CNTNAP2: variants seen among roughly 807,000 people sequenced by gnomAD.
The protein encoded by CNTNAP2 is contactin associated protein 2, also known as contactin-associated protein-like 2.
In CNTNAP2, 98 loss-of-function variants were observed where a neutral mutation model predicts 155.2. The observed-to-expected ratio is 0.63, with a 90% CI of 0.54 to 0.75. The LOEUF (loss-of-function observed/expected upper bound fraction) is 0.75, where lower values mean the gene tolerates loss of function less well. Ranked by LOEUF, CNTNAP2 falls within the 30% of genes least tolerant of loss-of-function variation. The pLI is 0.00. For missense variants in CNTNAP2, 1,727 were observed against 1,688.1 expected, an observed-to-expected ratio of 1.02 and a Z score of -0.40; for synonymous variants, 651 against 631.2, an observed-to-expected ratio of 1.03 and a Z score of -0.47.
At chr7:146,786,322 T>C (rs771939862) in intron 2 of CNTNAP2, among the ~76,000 whole-genome samples, 4 of 152,222 alleles carry the variant, frequency 2.6e-5, no homozygotes, top group Non-Finnish European at 5.9e-5. Context: ...ATGACTCTGT[T>C]AGCAACCGGC....
chr7:148,142,921 A>C (rs1183510464), intron 16 of CNTNAP2, among the ~76,000 whole-genome samples: 1 of 152,226 alleles, frequency 6.6e-6, no homozygotes, highest in Non-Finnish European at 1.5e-5. Context: ...CATTACTTTA[A>C]GCCTTTCAGA....
rs1211978187 is a variant in CNTNAP2 at position 146,955,369 on chromosome 7, G to A, written c.403-88538G>A. Reference sequence around the variant, plus strand: ...AAGCTGTTTATACTTTTCCTAGCACGAAGACCTGCTTATATGCCACACAAG... The same window carrying A: ...AAGCTGTTTATACTTTTCCTAGCACAAAGACCTGCTTATATGCCACACAAG... On this transcript the variant is annotated intron_variant, in intron 3 of 23. Transcript: ENST00000361727. 7.2e-5 allele frequency among the ~76,000 whole-genome samples: 11 copies of A among 152,046 alleles called. 1 individual carries two copies. In the East Asian group the frequency reaches 1.5e-3, roughly 21 times the overall value.
At chr7:146,850,122 A>G (rs13312652) in intron 3 of CNTNAP2, among the ~76,000 whole-genome samples, 5,323 of 152,328 alleles carry the variant, frequency 0.035, 147 homozygotes, top group Non-Finnish European at 0.054. Flanking sequence ...CAGTGAAATG[A>G]TCATTCTGGC....
intron 13 of CNTNAP2, among the ~76,000 whole-genome samples, chr7:147,725,907 T>C (rs2116457105): frequency 6.6e-6 from 1 of 152,220 alleles, no homozygotes; most frequent in Non-Finnish European, 1.5e-5. Context: ...TTTCAGTTTC[T>C]GACTGTGTGA....
chr7:147,359,294 T>C (rs1329772377), intron 9 of CNTNAP2, among the ~76,000 whole-genome samples: 1 of 152,126 alleles, frequency 6.6e-6, no homozygotes, highest in Non-Finnish European at 1.5e-5. Context: ...TGCCTTTATC[T>C]TAAAAGTATG....
At chr7:146,150,949 A>G (rs1182448128) in intron 1 of CNTNAP2, among the ~76,000 whole-genome samples, 1 of 152,108 alleles carries the variant, frequency 6.6e-6, no homozygotes, top group African/African-American at 2.4e-5. Context: ...TTGATACTCT[A>G]TTGAGCATGG....
At chr7:146,265,457 C>CTTTTTT (rs796634792) in intron 1 of CNTNAP2, among the ~76,000 whole-genome samples, 6 of 135,578 alleles carry the variant, frequency 4.4e-5, no homozygotes, top group African/African-American at 1.4e-4. Context: ...TTCTTTCTTT[C>CTTTTTT]TTTTTTTTTT....
At chr7:147,736,321 C>A (rs902885146) in intron 13 of CNTNAP2, among the ~76,000 whole-genome samples, 3 of 152,202 alleles carry the variant, frequency 2.0e-5, no homozygotes, top group East Asian at 3.9e-4. Flanking sequence ...GTTGAAAATT[C>A]TTTTCTTTAA....
chr7:148,094,461 T>C (rs1194619935), intron 15 of CNTNAP2, among the ~76,000 whole-genome samples: 1 of 152,208 alleles, frequency 6.6e-6, no homozygotes, highest in African/African-American at 2.4e-5. Flanking sequence ...AGATTTGTGA[T>C]GTGTGTTGCT....
At chr7:147,059,451 T>G (rs1358861230) in intron 4 of CNTNAP2, among the ~76,000 whole-genome samples, 2 of 110,284 alleles carry the variant, frequency 1.8e-5, no homozygotes, top group East Asian at 5.5e-4. Context: ...TTTTTTTTTT[T>G]GCAAATAAAA....
chr7:147,800,679 T>C (rs1474576020), intron 13 of CNTNAP2, among the ~76,000 whole-genome samples: 1 of 152,184 alleles, frequency 6.6e-6, no homozygotes, highest in Non-Finnish European at 1.5e-5. Context: ...CTTCCGTGAT[T>C]GGAAAAGGTC....
chr7:147,746,399 C>A (rs144428705), intron 13 of CNTNAP2, among the ~76,000 whole-genome samples: 4 of 152,122 alleles, frequency 2.6e-5, no homozygotes, highest in African/African-American at 9.7e-5. Context: ...ACTGAAGGAA[C>A]GAATGAATCA....
At position 147,077,577 on chromosome 7, in the gene CNTNAP2, C is replaced by T. The variant is rs28575565; in HGVS notation, c.551-30570C>T. Among the ~76,000 whole-genome samples the T allele has an allele frequency of 7.9e-3, 1,210 of 152,248 alleles. 18 individuals carry two copies. Among genetic ancestry groups the T allele is most frequent in the African/African-American group, 0.027 (1,128 of 41,528 alleles). ...TTTACCACTCTTGTCAATGGATACA[C>T]ACCAAATACATAAATAATGTATGCA... On this transcript the variant is annotated intron_variant, in intron 4 of 23. Coordinates refer to ENST00000361727, the MANE Select transcript of CNTNAP2 (RefSeq NM_014141.6).
Position 148,119,638 on chromosome 7 carries a change from T to C in CNTNAP2, c.2554+1350T>C, listed in dbSNP as rs148315310. ...TCCCAAATCCATTTCCCATTTCTGCTGAAATGCTATTGGATTCACAGTAGC... is the reference window on the plus strand; with the variant it reads ...TCCCAAATCCATTTCCCATTTCTGCCGAAATGCTATTGGATTCACAGTAGC... On this transcript the variant is annotated intron_variant, in intron 16 of 23. Coordinates refer to ENST00000361727, the MANE Select transcript of CNTNAP2 (RefSeq NM_014141.6). Among the ~76,000 whole-genome samples the C allele has an allele frequency of 4.6e-3, 697 of 152,352 alleles. 3 individuals are homozygous for C. Among genetic ancestry groups the C allele is most frequent in the Non-Finnish European group, 7.7e-3 (526 of 68,026 alleles).
chr7:146,930,730 G>T (rs544426486), intron 3 of CNTNAP2, among the ~76,000 whole-genome samples: 1 of 152,072 alleles, frequency 6.6e-6, no homozygotes, highest in African/African-American at 2.4e-5. Flanking sequence ...AAAATAAAAG[G>T]ATGGAGGAAG....
At chr7:147,213,582 AT>A (rs1219165150) in intron 8 of CNTNAP2, among the ~76,000 whole-genome samples, 1 of 151,656 alleles carries the variant, frequency 6.6e-6, no homozygotes, top group Non-Finnish European at 1.5e-5. Context: ...AAAAAAAAAA[AT>A]AACATTGTAT....
At chr7:147,006,180 C>T (rs1477618293) in intron 3 of CNTNAP2, among the ~76,000 whole-genome samples, 4 of 151,936 alleles carry the variant, frequency 2.6e-5, no homozygotes, top group Non-Finnish European at 5.9e-5. Flanking sequence ...TATATAACAT[C>T]TTAGGCTCAA....
chr7:147,602,665 G>C (rs1228532828), intron 12 of CNTNAP2, among the ~76,000 whole-genome samples: 2 of 143,704 alleles, frequency 1.4e-5, no homozygotes, highest in South Asian at 4.6e-4. Flanking sequence ...ACAGGCCCCA[G>C]AGTGTGATGT....
At chr7:147,293,793 G>T (rs1389414148) in intron 8 of CNTNAP2, among the ~76,000 whole-genome samples, 1 of 151,970 alleles carries the variant, frequency 6.6e-6, no homozygotes, top group African/African-American at 2.4e-5. Context: ...ACATTAGAAA[G>T]CACGGATAGA....
Sources: gnomAD v4.1 joint callset for allele counts (sites outside exome capture counted in the v4.1 genomes callset) on GRCh38, gnomAD v4.1.1 for gene constraint, MANE v1.5 for transcripts, NCBI Gene and HGNC (gene_info 2026-07-23, HGNC 2026-07-21) for gene names.